The following WDR31 variants were observed in gnomAD, a reference collection of about 807,000 sequenced individuals.
WDR31 encodes the protein WD repeat-containing protein 31.
Under a neutral mutation model 47.3 loss-of-function variants are expected in WDR31, and 30 were observed. The observed-to-expected ratio is 0.63, with a 90% CI of 0.47 to 0.86. The LOEUF (loss-of-function observed/expected upper bound fraction) is 0.86. Ranked by LOEUF, WDR31 falls within the 40% of genes least tolerant of loss-of-function variation. The pLI is 0.00. For missense variants in WDR31, 406 were observed against 442.9 expected (o/e 0.92, Z 0.75); for synonymous variants, 137 against 159.4 (o/e 0.86, Z 1.06).
rs745892435 is a variant in WDR31, at chr9:113,322,840, C to T, written c.541G>A (p.Val181Met). ...LLWDVVTGQSVERASVSRNVV... is the reference protein window; with the variant it reads ...LLWDVVTGQSMERASVSRNVV... ...TTCCTGGAGACAGATGCTCTTTCCA[C>T]ACTCTGTCCTGTCACCACATCCCAC... The change falls in exon 7 of 11, where the codon GTG (valine) becomes ATG (methionine). Residue 181 changes from valine (V) to methionine (M), a missense_variant. By Grantham distance (21) the Val-to-Met change is conservative. Transcript: ENST00000374193. 10 of 1,614,060 alleles carry T rather than the reference C, an allele frequency of 6.2e-6. No individual in the cohort carries two copies. The highest frequency in any genetic ancestry group is 8.5e-6 in the Non-Finnish European group (10 of 1,180,046).
At chr9:113,330,648 G>A (rs375988471) in intron 4 of WDR31, among the ~76,000 whole-genome samples, 3 of 152,214 alleles carry the variant, frequency 2.0e-5, no homozygotes, top group East Asian at 3.8e-4. Flanking sequence ...TTGGTGGTAA[G>A]TATAATCTTT....
At chr9:113,320,317 C>CT (rs1453071707) in intron 9 of WDR31, 40 bp downstream of exon 9, 1 of 1,608,650 alleles carries the variant, frequency 6.2e-7, no homozygotes. Flanking sequence ...GTGATCTGTT[C>CT]ATCAGCAACC....
chr9:113,323,779 C>T (rs1280553129), intron 5 of WDR31, among the ~76,000 whole-genome samples: 1 of 152,184 alleles, frequency 6.6e-6, no homozygotes, highest in Non-Finnish European at 1.5e-5. Context: ...ATAGAACTTC[C>T]TCCTGTGGGA....
intron 9 of WDR31, among the ~76,000 whole-genome samples, chr9:113,318,862 C>G (rs1833267638): frequency 6.6e-6 from 1 of 152,200 alleles, no homozygotes; most frequent in African/African-American, 2.4e-5. Flanking sequence ...TCAAACAACC[C>G]TGGTTAAGAA....
At chr9:113,319,340 G>C (rs1230067735) in intron 9 of WDR31, among the ~76,000 whole-genome samples, 1 of 152,204 alleles carries the variant, frequency 6.6e-6, no homozygotes, top group East Asian at 1.9e-4. Flanking sequence ...GTTTCACTTA[G>C]AAAAGAGATG....
chr9:113,317,672 G>A (rs1175366896), intron 10 of WDR31, among the ~76,000 whole-genome samples: 2 of 152,220 alleles, frequency 1.3e-5, no homozygotes, highest in South Asian at 2.1e-4. Context: ...TCTCCCTTGA[G>A]AGGAGCTGAG....
intron 9 of WDR31, 92 bp downstream of exon 9, chr9:113,320,265 G>T: frequency 6.7e-7 from 1 of 1,498,066 alleles, no homozygotes; most frequent in Non-Finnish European, 9.0e-7. Flanking sequence ...CATTAGCAAA[G>T]CCCGCCTGTG....
intron 5 of WDR31, 81 bp downstream of exon 5, chr9:113,328,800 C>A: frequency 2.4e-6 from 3 of 1,225,272 alleles, no homozygotes; most frequent in Non-Finnish European, 3.6e-6. Context: ...ACCAAAGATT[C>A]AATCACTCTT....
At chr9:113,329,374 C>T (rs922846112) in intron 4 of WDR31, among the ~76,000 whole-genome samples, 1 of 151,912 alleles carries the variant, frequency 6.6e-6, no homozygotes, top group Non-Finnish European at 1.5e-5. Context: ...GGCGCAGTGG[C>T]TCATGCCTGT....
In WDR31 at chr9:113,331,994, T is replaced by C; in HGVS notation, c.29A>G (p.Gln10Arg). Residue 10 changes from glutamine (Q) to arginine (R), a missense_variant, in exon 3 of 11, where the codon CAA (glutamine) becomes CGA (arginine). By Grantham distance (43) the Gln-to-Arg change is conservative. Coordinates refer to ENST00000374193, the MANE Select transcript of WDR31 (RefSeq NM_001012361.4). Reference sequence around the variant, plus strand: ...AAACGAAACCTTCTGTGGAGGAGCTTGTTTCAGTTGGCACCTGAGTAGCAG... The same window carrying C: ...AAACGAAACCTTCTGTGGAGGAGCTCGTTTCAGTTGGCACCTGAGTAGCAG... MLLLRCQLK[Q>R]APPQKVSFRF... The C allele has an allele frequency of 6.2e-7, 1 of 1,614,018 alleles. No homozygotes were observed. Among genetic ancestry groups the C allele is most frequent in the South Asian group, 1.1e-5 (1 of 91,072 alleles).
chr9:113,317,637 T>G (rs1410901636), intron 10 of WDR31, among the ~76,000 whole-genome samples: 1 of 152,254 alleles, frequency 6.6e-6, no homozygotes, highest in East Asian at 1.9e-4. Flanking sequence ...TGGTCCTGCC[T>G]CTATTCTCTG....
In WDR31 at chr9:113,318,046, C is replaced by T. The variant is rs532971149; in HGVS notation, c.943+429G>A. On this transcript the variant is annotated intron_variant, in intron 10 of 10. Coordinates refer to ENST00000374193, the MANE Select transcript of WDR31 (RefSeq NM_001012361.4). ...CTCTGATGCTTTGAAATGTTATGAGCTTACTGTGTTCTTAAACTTCAGCTA... is the reference window on the plus strand; with the variant it reads ...CTCTGATGCTTTGAAATGTTATGAGTTTACTGTGTTCTTAAACTTCAGCTA... Among the ~76,000 whole-genome samples, 7 of 152,314 alleles carry T rather than the reference C, an allele frequency of 4.6e-5. No homozygotes were observed. The South Asian group carries it at 1.4e-3, about 32-fold the overall frequency.
chr9:113,318,665 A>G, intron 9 of WDR31, 28 bp from the exon 10 acceptor site: 2 of 1,612,428 alleles, frequency 1.2e-6, no homozygotes, highest in South Asian at 2.2e-5. Flanking sequence ...GGACCAGCTC[A>G]TAGTCACTTG....
At position 113,322,885 on chromosome 9, in the gene WDR31, G is replaced by C; in HGVS notation, c.496C>G (p.Arg166Gly). 6.2e-7 allele frequency: 1 copy of C among 1,614,164 alleles called. No homozygotes were observed. The change falls in exon 7 of 11, where the codon CGG becomes GGG. Residue 166 changes from arginine to glycine, a missense_variant. Transcript: ENST00000374193. ...TCCCACAGAAGCAGGGTGTTGTCCC[G>C]AGAGCCAGTGCACAGCTGTGATGAG... ...PDSSQLCTGS[R>G]DNTLLLWDVV...
chr9:113,334,664 A>T (rs10817481), intron 2 of WDR31, among the ~76,000 whole-genome samples: 5 of 147,520 alleles, frequency 3.4e-5, no homozygotes, highest in African/African-American at 1.0e-4. Flanking sequence ...CTCAGCCTCC[A>T]GAGTAGCTGG....
At chr9:113,332,223 A>T (rs902339471) in intron 2 of WDR31, among the ~76,000 whole-genome samples, 173 bp from the exon 3 acceptor site, 3 of 152,240 alleles carry the variant, frequency 2.0e-5, no homozygotes, top group African/African-American at 7.2e-5. Flanking sequence ...AACTGATTTT[A>T]AAAAAGACTA....
intron 2 of WDR31, among the ~76,000 whole-genome samples, chr9:113,333,694 T>A (rs947548041): frequency 1.2e-4 from 18 of 152,214 alleles, no homozygotes; most frequent in African/African-American, 4.1e-4. Flanking sequence ...TTTTTTTTTT[T>A]TTAATAATTT....
chr9:113,330,892 T>C (rs2118837969), intron 4 of WDR31, 92 bp downstream of exon 4: 1 of 1,413,508 alleles, frequency 7.1e-7, no homozygotes, highest in East Asian at 2.4e-5. Context: ...TTGTCAACCC[T>C]GCTCCAGAAA....
At chr9:113,329,992 A>G (rs2118834155) in intron 4 of WDR31, among the ~76,000 whole-genome samples, 1 of 152,228 alleles carries the variant, frequency 6.6e-6, no homozygotes. Flanking sequence ...AAATAATAAT[A>G]ATATAATAAA....
Sources: gnomAD v4.1 joint callset for allele counts (sites outside exome capture counted in the v4.1 genomes callset) on GRCh38, gnomAD v4.1.1 for gene constraint, MANE v1.5 for transcripts, NCBI Gene and HGNC (gene_info 2026-07-23, HGNC 2026-07-21) for gene names.